The following MRC1 variants were observed in gnomAD, a reference collection of about 807,000 sequenced individuals.
MRC1 encodes the protein macrophage mannose receptor 1.
A neutral mutation model predicts 102.9 loss-of-function variants in MRC1; 62 were observed. The observed-to-expected ratio is 0.60, with a 90% confidence interval of 0.49 to 0.74. MRC1 has a LOEUF of 0.74. Ranked by LOEUF, MRC1 falls within the 30% of genes least tolerant of loss-of-function variation. MRC1 has a pLI of 0.00. For missense variants in MRC1, 1,237 were observed against 862.8 expected, an observed-to-expected ratio of 1.43 and a Z score of -5.43; for synonymous variants, 457 against 298.4, an observed-to-expected ratio of 1.53 and a Z score of -5.48.
chr10:17,816,051 T>C (rs1227555046), intron 1 of MRC1, among the ~76,000 whole-genome samples: 1 of 152,210 alleles, frequency 6.6e-6, no homozygotes, highest in African/African-American at 2.4e-5. Flanking sequence ...CTCGAACTCC[T>C]GACCTCAGGT....
chr10:17,881,153 G>A lies in MRC1; in HGVS notation c.2952G>A (p.Leu984=). Residue 984 remains leucine, a synonymous_variant, in exon 21 of 30, where the codon CTG becomes CTA. Coordinates refer to ENST00000569591, the MANE Select transcript of MRC1 (RefSeq NM_002438.4). ...CTTGTATAGGCTTTGGAGGGAATCT[G>A]GTCTCCATACAAAATGAAAAAGAGC... is the stretch of plus-strand genomic sequence containing the variant. ...RKACIGFGGN[L]VSIQNEKEQA... The A allele has an allele frequency of 3.8e-6, 3 of 780,656 alleles. No individual in the cohort carries two copies. Among genetic ancestry groups the A allele is most frequent in the Non-Finnish European group, 7.2e-6 (3 of 417,904 alleles). The allele number at this position is 780,656 out of a possible 1,614,324, so 48.4% of individuals were successfully genotyped here.
chr10:17,888,597 C>A (rs1001505209), intron 22 of MRC1, among the ~76,000 whole-genome samples: 4 of 152,188 alleles, frequency 2.6e-5, no homozygotes, highest in South Asian at 4.2e-4. Context: ...TTACTGATTT[C>A]TAGTTTAATT....
intron 3 of MRC1, among the ~76,000 whole-genome samples, chr10:17,827,982 C>T (rs1838506610): frequency 6.6e-6 from 1 of 152,208 alleles, no homozygotes; most frequent in Non-Finnish European, 1.5e-5. Context: ...AGACTAGAGT[C>T]ACCCCTACTG....
At chr10:17,870,957 A>G in intron 14 of MRC1, 22 bp downstream of exon 14, 1 of 868,062 alleles carries the variant, frequency 1.2e-6, no homozygotes, top group African/African-American at 1.6e-5. Flanking sequence ...TACTTACTAT[A>G]TAACTTTCTT....
At position 17,885,329 on chromosome 10, in the gene MRC1, T is replaced by A; in HGVS notation, c.3041T>A (p.Val1014Asp). Residue 1014 changes from valine (V) to aspartate (D), a missense_variant, in exon 22 of 30, where the codon GTC becomes GAC. Transcript: ENST00000569591. Reference protein sequence around the residue: ...TFSAWTGLNDVNSEHTFLWTD... With the variant: ...TFSAWTGLNDDNSEHTFLWTD... ...AGTGCCTGGACTGGGCTGAATGATG[T>A]CAATTCAGAACACACGTTCCTTTGG... 1 of 780,884 alleles carries A rather than the reference T, an allele frequency of 1.3e-6. No homozygotes were observed. The highest frequency in any genetic ancestry group is 1.7e-5 in the Admixed American group (1 of 59,042). 48.4% of individuals were successfully genotyped at this position (780,884 alleles called of 1,614,324 possible). A position where few individuals can be genotyped will look rare whatever the true frequency, so the allele number is the denominator to read the frequency against.
intron 3 of MRC1, among the ~76,000 whole-genome samples, chr10:17,828,562 GAGAA>G (rs1284944106): frequency 6.6e-6 from 1 of 151,420 alleles, no homozygotes; most frequent in Non-Finnish European, 1.5e-5. Flanking sequence ...TGGTTTGATG[GAGAA>G]AGACGTGAAG....
intron 8 of MRC1, among the ~76,000 whole-genome samples, chr10:17,853,964 G>GTTGT (rs1406165967): frequency 5.9e-5 from 9 of 151,862 alleles, no homozygotes; most frequent in Non-Finnish European, 4.4e-5. Context: ...TGTTGTTGTT[G>GTTGT]TTGTTTGTTT....
At chr10:17,853,798 C>T (rs868931212) in intron 8 of MRC1, among the ~76,000 whole-genome samples, 45,546 of 151,716 alleles carry the variant, frequency 0.3, 7,152 homozygotes, top group African/African-American at 0.4. Flanking sequence ...AATATGACCT[C>T]AGTGATTGAA....
intron 21 of MRC1, among the ~76,000 whole-genome samples, chr10:17,881,503 C>T (rs1833517092): frequency 6.6e-6 from 1 of 152,032 alleles, no homozygotes; most frequent in Non-Finnish European, 1.5e-5. Flanking sequence ...TAGGTTTGTC[C>T]AGCTTTCTAC....
intron 19 of MRC1, 24 bp downstream of exon 19, chr10:17,879,845 T>C (rs1405560509): frequency 9.0e-6 from 7 of 780,740 alleles, no homozygotes; most frequent in Admixed American, 1.7e-5. Context: ...GCATATTGAA[T>C]TTGCTTTGTG....
At chr10:17,904,327 T>C (rs1833869273) in intron 26 of MRC1, among the ~76,000 whole-genome samples, 1 of 152,210 alleles carries the variant, frequency 6.6e-6, no homozygotes, top group Non-Finnish European at 1.5e-5. Context: ...TAATTTCTTT[T>C]CATTTTGGTT....
At chr10:17,860,065 C>G (rs1470960610) in intron 9 of MRC1, among the ~76,000 whole-genome samples, 2 of 152,092 alleles carry the variant, frequency 1.3e-5, no homozygotes, top group Non-Finnish European at 2.9e-5. Flanking sequence ...AGGCCAAATA[C>G]CATATTCTGT....
At chr10:17,822,974 G>T in intron 1 of MRC1, 100 bp from the exon 2 acceptor site, 1 of 726,048 alleles carries the variant, frequency 1.4e-6, no homozygotes, top group South Asian at 1.5e-5. Flanking sequence ...GGAAATGGAA[G>T]AGTTGGAAAC....
At chr10:17,816,502 G>C (rs913619292) in intron 1 of MRC1, among the ~76,000 whole-genome samples, 2 of 152,158 alleles carry the variant, frequency 1.3e-5, no homozygotes, top group Non-Finnish European at 2.9e-5. Context: ...GCCGTCAGCG[G>C]TTCTCCTTGG....
At chr10:17,893,875 A>G (rs1833715355) in intron 22 of MRC1, among the ~76,000 whole-genome samples, 2 of 152,226 alleles carry the variant, frequency 1.3e-5, no homozygotes, top group Admixed American at 1.3e-4. Flanking sequence ...GGTAATTAGT[A>G]TGGAGAGGAT....
At chr10:17,857,333 C>T (rs1399694147) in intron 9 of MRC1, among the ~76,000 whole-genome samples, 1 of 152,188 alleles carries the variant, frequency 6.6e-6, no homozygotes, top group Non-Finnish European at 1.5e-5. Flanking sequence ...TGTTTCAGTT[C>T]CAGCATACGT....
intron 24 of MRC1, among the ~76,000 whole-genome samples, chr10:17,899,051 C>A (rs1377662477): frequency 6.7e-6 from 1 of 149,570 alleles, no homozygotes; most frequent in Non-Finnish European, 1.5e-5. Context: ...CAGAAAAAGC[C>A]AAAGTTTATA....
chr10:17,869,760 A>AT (rs1833328270), intron 12 of MRC1, among the ~76,000 whole-genome samples: 1 of 152,252 alleles, frequency 6.6e-6, no homozygotes, highest in Non-Finnish European at 1.5e-5. Flanking sequence ...TACCAACAAA[A>AT]TATTGAAACA....
chr10:17,847,553 T>C (rs1250730129), intron 6 of MRC1, among the ~76,000 whole-genome samples: 1 of 152,240 alleles, frequency 6.6e-6, no homozygotes, highest in Non-Finnish European at 1.5e-5. Context: ...CATACGGGAT[T>C]AGCAACAGCC....
Sources: allele counts gnomAD v4.1 joint callset (sites outside exome capture counted in the v4.1 genomes callset), GRCh38; gene constraint gnomAD v4.1.1; transcripts MANE v1.5; gene names NCBI Gene and HGNC (gene_info 2026-07-23, HGNC 2026-07-21).